The following GATA4 variants were observed in gnomAD, a reference collection of about 807,000 sequenced individuals.
GATA4 encodes the protein GATA binding protein 4, also known as transcription factor GATA-4.
GATA4 carries 7 observed loss-of-function variants against 37.9 expected under a neutral mutation model. The ratio of observed to expected loss-of-function variants is 0.18; its 90% CI spans 0.11 to 0.35. The LOEUF (loss-of-function observed/expected upper bound fraction) is 0.35, where lower values mean the gene tolerates loss of function less well. Ranked by LOEUF, GATA4 falls within the 10% of genes least tolerant of loss-of-function variation. The pLI, the probability that GATA4 is intolerant of heterozygous loss-of-function variation, is 1.00. For missense variants in GATA4, 647 were observed against 653.0 expected (o/e 0.99, Z 0.10); for synonymous variants, 372 against 292.6 (o/e 1.27, Z -2.77).
chr8:11,682,163 C>G (rs578001719), intron 1 of GATA4, among the ~76,000 whole-genome samples: 2 of 152,308 alleles, frequency 1.3e-5, no homozygotes, highest in South Asian at 4.1e-4. Flanking sequence ...TAGGTGGTGT[C>G]TGACAAGATT....
intron 2 of GATA4, among the ~76,000 whole-genome samples, chr8:11,744,513 G>A (rs1801935134): frequency 6.6e-6 from 1 of 152,208 alleles, no homozygotes; most frequent in Non-Finnish European, 1.5e-5. Context: ...GTTCCTCTCA[G>A]TGCCTTTCGT....
At chr8:11,728,177 T>TA (rs1173871069) in intron 2 of GATA4, among the ~76,000 whole-genome samples, 1 of 152,020 alleles carries the variant, frequency 6.6e-6, no homozygotes, top group Non-Finnish European at 1.5e-5. Context: ...TCAGTAGAGA[T>TA]GGGGTTTCAT....
At chr8:11,745,242 C>G (rs1468848902) in intron 2 of GATA4, among the ~76,000 whole-genome samples, 1 of 152,044 alleles carries the variant, frequency 6.6e-6, no homozygotes, top group Non-Finnish European at 1.5e-5. Flanking sequence ...AGATCACGCT[C>G]CAGGGATTCC....
chr8:11,680,500 G>C, intron 1 of GATA4: 1 of 985,458 alleles, frequency 1.0e-6, no homozygotes, highest in Non-Finnish European at 1.2e-6. Context: ...TCAATCTGGC[G>C]CCACATGGGC....
At chr8:11,694,600 C>A in intron 1 of GATA4, 2 of 750,998 alleles carry the variant, frequency 2.7e-6, no homozygotes, top group Non-Finnish European at 3.2e-6. Flanking sequence ...CTGCTTTGTT[C>A]CTAAGAGGAA....
intron 2 of GATA4, among the ~76,000 whole-genome samples, chr8:11,712,147 C>T (rs1324895219): frequency 6.6e-6 from 1 of 152,202 alleles, no homozygotes; most frequent in African/African-American, 2.4e-5. Flanking sequence ...TTGGCTTTAG[C>T]CCTTCATAAA....
intron 5 of GATA4, 97 bp from the exon 6 acceptor site, chr8:11,756,838 G>C (rs1320165554): frequency 6.6e-7 from 1 of 1,520,186 alleles, no homozygotes; most frequent in African/African-American, 1.4e-5. Context: ...TGTAGATAAA[G>C]CCATTAGCTT....
chr8:11,722,356 C>A (rs892249976), intron 2 of GATA4, among the ~76,000 whole-genome samples: 1 of 152,158 alleles, frequency 6.6e-6, no homozygotes. Context: ...CTGAAAAGTA[C>A]GAGGACTCTT....
At chr8:11,729,050 T>C (rs1019314910) in intron 2 of GATA4, among the ~76,000 whole-genome samples, 1 of 151,616 alleles carries the variant, frequency 6.6e-6, no homozygotes, top group African/African-American at 2.4e-5. Context: ...CGGGCCAACA[T>C]GGTGAAACCC....
At chr8:11,714,933 G>A (rs1021092528) in intron 2 of GATA4, among the ~76,000 whole-genome samples, 3 of 152,078 alleles carry the variant, frequency 2.0e-5, no homozygotes, top group Non-Finnish European at 2.9e-5. Flanking sequence ...TAGACAGCCT[G>A]GACTCCGGAA....
upstream of GATA4, among the ~76,000 whole-genome samples, chr8:11,688,076 T>C (rs796663065): frequency 3.9e-5 from 6 of 152,322 alleles, no homozygotes; most frequent in African/African-American, 1.4e-4. Flanking sequence ...AGTTTATAGA[T>C]TCAGCAGATA....
chr8:11,758,346 C>G lies in GATA4; in HGVS notation c.1203C>G (p.Leu401=), dbSNP rs1423559225. The G allele has an allele frequency of 1.3e-5, 21 of 1,614,220 alleles. No homozygotes were observed. Among genetic ancestry groups the G allele is most frequent in the Non-Finnish European group, 1.8e-5 (21 of 1,180,020 alleles). ...ATGGGCCCTCCATCCACCCTGTCCT[C>G]TCGGCCCTGAAGCTCTCCCCACAAG... The part of the protein sequence containing the change: ...SGHGPSIHPV[L]SALKLSPQGY... The change falls in exon 7 of 7, where the codon CTC becomes CTG. Residue 401 remains leucine (L), a synonymous_variant. Transcript: ENST00000532059.
intron 2 of GATA4, among the ~76,000 whole-genome samples, chr8:11,744,358 T>C (rs1224836025): frequency 1.3e-5 from 2 of 152,258 alleles, no homozygotes; most frequent in Non-Finnish European, 2.9e-5. Flanking sequence ...TTTACAACTA[T>C]TATTACAAGT....
upstream of GATA4, among the ~76,000 whole-genome samples, chr8:11,703,192 G>T (rs1585583009): frequency 6.6e-6 from 1 of 151,522 alleles, no homozygotes; most frequent in African/African-American, 2.4e-5. Context: ...AAAAAAAAAA[G>T]TTTAACCGAA....
In GATA4 at chr8:11,708,911, C is replaced by T. The variant is rs1313649801; in HGVS notation, c.599C>T (p.Ala200Val). 5.9e-6 allele frequency: 9 copies of T among 1,527,342 alleles called. No homozygotes were observed. The highest frequency in any genetic ancestry group is 4.2e-5 in the African/African-American group (3 of 72,216). 94.6% of individuals were successfully genotyped at this position (1,527,342 alleles called of 1,614,324 possible). A position where few individuals can be genotyped will look rare whatever the true frequency, so the allele number is the denominator to read the frequency against. The change falls in exon 2 of 7, where the codon GCC becomes GTC. Residue 200 changes from alanine (A) to valine (V), a missense_variant. By Grantham distance (64) the Ala-to-Val change is moderately conservative. Transcript: ENST00000532059. This position sits in a 1 kb window ranked among gnomAD's most constrained non-coding sequence, Gnocchi z 6.7. ...CTGCCCGGCCGGGCCAACCCGGCCGCCCGACACCCCAATCTCGGTGAGTAG... is the reference window on the plus strand; with the variant it reads ...CTGCCCGGCCGGGCCAACCCGGCCGTCCGACACCCCAATCTCGGTGAGTAG... ...HSLPGRANPA[A>V]RHPNLVDMFD...
At chr8:11,753,834 C>A in intron 4 of GATA4, among the ~76,000 whole-genome samples, 1 of 152,178 alleles carries the variant, frequency 6.6e-6, no homozygotes, top group Non-Finnish European at 1.5e-5. Flanking sequence ...TGGCCTTTAT[C>A]AATCCCACAT....
Position 11,708,751 on chromosome 8 carries a change from G to A in GATA4, c.439G>A (p.Glu147Lys), listed in dbSNP as rs1800019519. The A allele has an allele frequency of 2.9e-6, 4 of 1,361,658 alleles. No individual in the cohort carries two copies. The highest frequency in any genetic ancestry group is 3.8e-6 in the Non-Finnish European group (4 of 1,062,890). The allele number at this position is 1,361,658 out of a possible 1,614,324, so 84.3% of individuals were successfully genotyped here. ...GAAGAGLAGR[E>K]QYGRAGFAGS... ...GGCGGGTGCGGGCCTGGCGGGCCGC[G>A]AGCAGTACGGGCGCGCCGGCTTCGC... is the stretch of plus-strand genomic sequence containing the variant. The change falls in exon 2 of 7, where the codon GAG (glutamate) becomes AAG (lysine). Residue 147 changes from glutamate to lysine, a missense_variant. Physicochemically the swap from Glu to Lys is moderately conservative, Grantham distance 56. This residue lies in a region of GATA4 where 379 missense variants were observed against 334.5 expected (regional missense o/e 1.13). Transcript: ENST00000532059. The surrounding 1 kb of genome is among the most constrained non-coding windows in gnomAD (Gnocchi z 6.7).
chr8:11,749,229 C>T lies in GATA4; in HGVS notation c.786+144C>T. On this transcript the variant is annotated intron_variant, in intron 3 of 6. Transcript: ENST00000532059. The surrounding 1 kb of genome is among the most constrained non-coding windows in gnomAD (Gnocchi z 4.6). The stretch of plus-strand genomic sequence containing the variant: ...GAGAGCCCCATAATAATTCTCACAA[C>T]TTTAGAGTTAGCTGGAGCCACCAGA... The T allele has an allele frequency of 2.5e-6, 2 of 815,012 alleles. No individual in the cohort carries two copies. The highest frequency in any genetic ancestry group is 4.0e-6 in the Non-Finnish European group (2 of 502,628). The allele number at this position is 815,012 out of a possible 1,614,324, so 50.5% of individuals were successfully genotyped here.
At chr8:11,684,071 G>T (rs1420979104) in intron 1 of GATA4, among the ~76,000 whole-genome samples, 1 of 152,212 alleles carries the variant, frequency 6.6e-6, no homozygotes, top group Non-Finnish European at 1.5e-5. Context: ...AGCCATAACT[G>T]GCTGGCCACG....
Sources: gnomAD v4.1 joint callset for allele counts (sites outside exome capture counted in the v4.1 genomes callset) on GRCh38, gnomAD v4.1.1 for gene constraint, gnomAD v4.1.1 regional missense constraint, Gnocchi (gnomAD v3.1) non-coding constraint, MANE v1.5 for transcripts, NCBI Gene and HGNC (gene_info 2026-07-23, HGNC 2026-07-21) for gene names.